NSFL1C: variants seen among roughly 807,000 people sequenced by gnomAD.
NSFL1C encodes NSFL1 cofactor p47.
Under a neutral mutation model 43.1 loss-of-function variants are expected in NSFL1C, and 14 were observed. The observed-to-expected ratio is 0.32, with a 90% confidence interval of 0.21 to 0.51. The LOEUF (loss-of-function observed/expected upper bound fraction) is 0.51. NSFL1C is among the 20% of genes least tolerant of loss of function. The probability of loss-of-function intolerance (pLI) is 0.98; values close to 1 mark genes in which losing one functional copy is unlikely to be tolerated. For synonymous variants in NSFL1C, 171 were observed against 183.5 expected (o/e 0.93, Z 0.55); for missense variants, 406 against 472.5 (o/e 0.86, Z 1.30).
Position 1,453,047 on chromosome 20 carries a change from C to G in NSFL1C, c.631G>C (p.Glu211Gln). Residue 211 changes from glutamate (E) to glutamine (Q), a missense_variant, in exon 6 of 9, where the codon GAG becomes CAG. Glu to Gln is a conservative substitution (Grantham distance 29). Around this residue, in one of 3 missense-constraint regions of NSFL1C, gnomAD observed 196 missense variants for 228.0 expected, o/e 0.86. Coordinates refer to ENST00000216879, the MANE Select transcript of NSFL1C (RefSeq NM_016143.5). ...TTCACTCACCCTCTGCGGATAGACT[C>G]CAGAAACTGGGCATTGGATGGGTCT... ...YQDPSNAQFLESIRRGEVPAE... is the reference protein window; with the variant it reads ...YQDPSNAQFLQSIRRGEVPAE... The G allele has an allele frequency of 1.2e-6, 2 of 1,608,958 alleles. No homozygotes were observed. Among genetic ancestry groups the G allele is most frequent in the Non-Finnish European group, 8.5e-7 (1 of 1,175,270 alleles).
chr20:1,454,247 A>T lies in NSFL1C; in HGVS notation c.503T>A (p.Val168Glu). The change falls in exon 5 of 9, where the codon GTG (valine) becomes GAG (glutamate). Residue 168 changes from valine (V) to glutamate (E), a missense_variant. Coordinates refer to ENST00000216879, the MANE Select transcript of NSFL1C (RefSeq NM_016143.5). ...GAAPEEESAYVAGEKRQHSSQ... is the reference protein window; with the variant it reads ...GAAPEEESAYEAGEKRQHSSQ... ...GGAATGCTGCCTCTTTTCTCCTGCC[A>T]CATAGGCAGACTCTTCCTCTGGTGC... 1 of 1,613,024 alleles carries T rather than the reference A, an allele frequency of 6.2e-7. No individual in the cohort carries two copies. The highest frequency in any genetic ancestry group is 8.5e-7 in the Non-Finnish European group (1 of 1,180,018).
At chr20:1,458,444 C>G (rs1287985969) in intron 2 of NSFL1C, among the ~76,000 whole-genome samples, 170 bp from the exon 3 acceptor site, 1 of 152,038 alleles carries the variant, frequency 6.6e-6, no homozygotes, top group Non-Finnish European at 1.5e-5. Flanking sequence ...AATAATGTGG[C>G]ATTTATTTTT....
At chr20:1,451,889 T>A (rs541613778) in intron 7 of NSFL1C, among the ~76,000 whole-genome samples, 1 of 152,004 alleles carries the variant, frequency 6.6e-6, no homozygotes, top group Non-Finnish European at 1.5e-5. Context: ...GCAGAGTGAG[T>A]GTCAGGAAGG....
intron 2 of NSFL1C, among the ~76,000 whole-genome samples, chr20:1,461,422 T>C (rs1464826354): frequency 6.6e-6 from 1 of 152,100 alleles, no homozygotes; most frequent in Non-Finnish European, 1.5e-5. Flanking sequence ...GGGATTTGTA[T>C]AGGCAGAAAG....
intron 5 of NSFL1C, among the ~76,000 whole-genome samples, chr20:1,453,595 A>G (rs900212199): frequency 6.6e-6 from 1 of 152,072 alleles, no homozygotes; most frequent in African/African-American, 2.4e-5. Flanking sequence ...AAGGCTAAAA[A>G]CCAATGCATT....
Position 1,443,635 on chromosome 20 carries a change from G to C in NSFL1C, c.*114C>G. The stretch of plus-strand genomic sequence containing the variant: ...TCTAAGAACCCAGAGCTATGGAGGA[G>C]ACGTTGCACTGGACTGCTGGGTGTG... On this transcript the variant is annotated 3_prime_UTR_variant, in exon 9 of 9. Transcript: ENST00000216879. 1.0e-6 allele frequency: 1 copy of C among 1,003,756 alleles called. No individual in the cohort carries two copies. The allele number at this position is 1,003,756 out of a possible 1,614,324, so 62.2% of individuals were successfully genotyped here. A position where few individuals can be genotyped will look rare whatever the true frequency, so the allele number is the denominator to read the frequency against.
intron 7 of NSFL1C, among the ~76,000 whole-genome samples, chr20:1,451,803 G>A (rs1198428610): frequency 6.6e-6 from 1 of 152,228 alleles, no homozygotes; most frequent in East Asian, 1.9e-4. Flanking sequence ...ATGGAAGATA[G>A]AGAATGTCTG....
chr20:1,451,840 G>A (rs974418735), intron 7 of NSFL1C, among the ~76,000 whole-genome samples: 1 of 152,204 alleles, frequency 6.6e-6, no homozygotes, highest in African/African-American at 2.4e-5. Flanking sequence ...GAGTGAGAAG[G>A]CAGTAGCAGA....
At chr20:1,464,244 C>G in intron 2 of NSFL1C, 85 bp downstream of exon 2, 1 of 1,173,036 alleles carries the variant, frequency 8.5e-7, no homozygotes, top group Non-Finnish European at 1.3e-6. Flanking sequence ...GGTCCACACA[C>G]CCAGGCCTGA....
Position 1,464,407 on chromosome 20 carries a change from T to C in NSFL1C, c.125A>G (p.Tyr42Cys), listed in dbSNP as rs376064600. Residue 42 changes from tyrosine to cysteine, a missense_variant, in exon 2 of 9, where the codon TAT becomes TGT. Around this residue, in one of 3 missense-constraint regions of NSFL1C, gnomAD observed 203 missense variants for 216.3 expected, o/e 0.94. Transcript: ENST00000216879. ...AATGTCTTCATCCCCTCCGTCCTCA[T>C]AAAAGCTCGCTAGCGCGATCTGAAA... ...WDLQIALASF[Y>C]EDGGDEDIVT... is the part of the protein sequence containing the mutation. 4.3e-6 allele frequency: 7 copies of C among 1,614,250 alleles called. No individual in the cohort carries two copies. The highest frequency in any genetic ancestry group is 5.1e-6 in the Non-Finnish European group (6 of 1,180,038).
intron 7 of NSFL1C, among the ~76,000 whole-genome samples, chr20:1,448,038 AAAT>A (rs1281549599): frequency 1.3e-5 from 2 of 152,216 alleles, no homozygotes; most frequent in East Asian, 1.9e-4. Context: ...GGTTTTAGAA[AAAT>A]AATATTTATA....
At chr20:1,458,076 C>T (rs1471039230) in intron 3 of NSFL1C, 124 bp downstream of exon 3, 5 of 796,772 alleles carry the variant, frequency 6.3e-6, no homozygotes, top group Non-Finnish European at 8.8e-6. Context: ...CCCACACAGA[C>T]CAGCCCACAG....
rs1435605665 is a variant in NSFL1C, at chr20:1,454,196, A to G, written c.537+17T>C. 2 of 1,598,008 alleles carry G rather than the reference A, an allele frequency of 1.3e-6. No individual in the cohort carries two copies. Among genetic ancestry groups the G allele is most frequent in the African/African-American group, 2.7e-5 (2 of 74,590 alleles). ...ACAGTCCACAAGCTTCCCTCATGGG[A>G]AGGTGGATGCACTCACATCTTGGCT... On this transcript the variant is annotated intron_variant, in intron 5 of 8. Transcript: ENST00000216879.
At chr20:1,464,155 G>A in intron 2 of NSFL1C, 174 bp downstream of exon 2, 1 of 576,382 alleles carries the variant, frequency 1.7e-6, no homozygotes, top group Non-Finnish European at 3.1e-6. Context: ...TAAAAGTCAT[G>A]CATCTCTGTA....
intron 7 of NSFL1C, among the ~76,000 whole-genome samples, chr20:1,448,231 G>A (rs1350585020): frequency 6.6e-6 from 1 of 152,156 alleles, no homozygotes; most frequent in Non-Finnish European, 1.5e-5. Context: ...TATTATCAAG[G>A]AGAGTTGGTG....
Position 1,464,525 on chromosome 20 carries a change from C to T in NSFL1C, c.106-99G>A, listed in dbSNP as rs1017934692. On this transcript the variant is annotated intron_variant, in intron 1 of 8. Transcript: ENST00000216879. ...GGAATACAGACATGGCCAACACTTA[C>T]AAGGTAGCTTGCATCCATGGGCCAA... The T allele has an allele frequency of 1.0e-5, 10 of 953,088 alleles. No individual in the cohort carries two copies. In the African/African-American group the frequency reaches 1.6e-4, roughly 15 times the overall value. The allele number at this position is 953,088 out of a possible 1,614,324, so 59.0% of individuals were successfully genotyped here. A position where few individuals can be genotyped will look rare whatever the true frequency, so the allele number is the denominator to read the frequency against.
At chr20:1,460,669 A>T (rs2122942590) in intron 2 of NSFL1C, among the ~76,000 whole-genome samples, 1 of 152,280 alleles carries the variant, frequency 6.6e-6, no homozygotes, top group African/African-American at 2.4e-5. Context: ...GATGATGGAA[A>T]TGCTCTATCT....
intron 8 of NSFL1C, among the ~76,000 whole-genome samples, 169 bp downstream of exon 8, chr20:1,445,497 G>A (rs2090038630): frequency 6.6e-6 from 1 of 152,210 alleles, no homozygotes; most frequent in Non-Finnish European, 1.5e-5. Context: ...GTGGGGACCA[G>A]AACTTAAGGC....
chr20:1,458,577 A>G (rs1373870101), intron 2 of NSFL1C, among the ~76,000 whole-genome samples: 3 of 152,196 alleles, frequency 2.0e-5, no homozygotes, highest in Non-Finnish European at 4.4e-5. Flanking sequence ...TAGGAAAAAA[A>G]GCAGTGTTGT....
Sources: gnomAD v4.1 joint callset for allele counts (sites outside exome capture counted in the v4.1 genomes callset) on GRCh38, gnomAD v4.1.1 for gene constraint, gnomAD v4.1.1 regional missense constraint, MANE v1.5 for transcripts, NCBI Gene and HGNC (gene_info 2026-07-23, HGNC 2026-07-21) for gene names.